NAA50: variants seen among roughly 807,000 people sequenced by gnomAD.
NAA50 encodes N-alpha-acetyltransferase 50.
In NAA50, 7 loss-of-function variants were observed where a neutral mutation model predicts 20.7. The observed-to-expected ratio is 0.34, with a 90% CI of 0.19 to 0.63. The LOEUF is 0.63. NAA50 is among the 30% of genes least tolerant of loss of function. The pLI is 0.75. For missense variants in NAA50, 111 were observed against 199.1 expected (o/e 0.56, Z 2.66); for synonymous variants, 54 against 70.6 (o/e 0.77, Z 1.18).
intron 1 of NAA50, among the ~76,000 whole-genome samples, chr3:113,735,527 ATTGT>A (rs764562033): frequency 2.0e-5 from 3 of 152,228 alleles, no homozygotes; most frequent in Non-Finnish European, 4.4e-5. Context: ...CGGATCATGA[ATTGT>A]TTGCTTACTT....
At position 113,746,160 on chromosome 3, in the gene NAA50, T is replaced by A; in HGVS notation, c.-211A>T. The A allele has an allele frequency of 1.2e-5, 7 of 561,798 alleles. No homozygotes were observed. The South Asian group carries it at 1.5e-4, about 12-fold the overall frequency. The allele number at this position is 561,798 out of a possible 1,614,324, so 34.8% of individuals were successfully genotyped here. A position where few individuals can be genotyped will look rare whatever the true frequency, so the allele number is the denominator to read the frequency against. ...GGAGTGTCTCCCGCCGCCGCGCTTG[T>A]GCCGCCGCTTCTCCACACGTGCACT... On this transcript the variant is annotated 5_prime_UTR_variant, in exon 1 of 5. Transcript: ENST00000240922.
rs137931216 is a variant in NAA50 at position 113,721,615 on chromosome 3, T to C, written c.*145A>G. Reference sequence around the variant, plus strand: ...AAAGTCCTTGAAAGTATTAAAACTCTCAGAGAAAAGGAAAGGAAGAAAGAA... The same window carrying C: ...AAAGTCCTTGAAAGTATTAAAACTCCCAGAGAAAAGGAAAGGAAGAAAGAA... On this transcript the variant is annotated 3_prime_UTR_variant, in exon 5 of 5. Coordinates refer to ENST00000240922, the MANE Select transcript of NAA50 (RefSeq NM_025146.4). The C allele has an allele frequency of 7.1e-5, 57 of 799,430 alleles. No homozygotes were observed. Among genetic ancestry groups the C allele is most frequent in the Non-Finnish European group, 1.0e-4 (52 of 500,072 alleles). The allele number at this position is 799,430 out of a possible 1,614,324, so 49.5% of individuals were successfully genotyped here. A position where few individuals can be genotyped will look rare whatever the true frequency, so the allele number is the denominator to read the frequency against.
chr3:113,743,196 G>A (rs550779474), intron 1 of NAA50, among the ~76,000 whole-genome samples: 9 of 152,304 alleles, frequency 5.9e-5, no homozygotes, highest in African/African-American at 2.2e-4. Flanking sequence ...GTAAAAATAT[G>A]AAGAAAAACC....
chr3:113,733,487 A>G (rs1351799143), intron 1 of NAA50, among the ~76,000 whole-genome samples: 5 of 152,194 alleles, frequency 3.3e-5, no homozygotes, highest in South Asian at 2.1e-4. Flanking sequence ...TACAAACTGG[A>G]TATCAGATCA....
At chr3:113,723,870 T>TA (rs1708166561) in intron 2 of NAA50, 89 bp downstream of exon 2, 11 of 1,352,950 alleles carry the variant, frequency 8.1e-6, no homozygotes, top group Non-Finnish European at 9.8e-6. Flanking sequence ...CAAACTAAAT[T>TA]AGTTAACTTC....
At chr3:113,739,109 C>T (rs1018593447) in intron 1 of NAA50, among the ~76,000 whole-genome samples, 2 of 152,128 alleles carry the variant, frequency 1.3e-5, no homozygotes, top group African/African-American at 4.8e-5. Context: ...CCGTTTATCA[C>T]CTAATCAGCA....
At chr3:113,741,589 T>C (rs1708418101) in intron 1 of NAA50, among the ~76,000 whole-genome samples, 1 of 152,240 alleles carries the variant, frequency 6.6e-6, no homozygotes. Flanking sequence ...CCAGTAACAC[T>C]TCCCACTCTA....
chr3:113,733,148 G>T (rs903619402), intron 1 of NAA50, among the ~76,000 whole-genome samples: 14 of 151,668 alleles, frequency 9.2e-5, no homozygotes, highest in Non-Finnish European at 1.9e-4. Flanking sequence ...TTAGTGAGTT[G>T]TAAGAGTTCT....
At chr3:113,740,442 G>A (rs1702726175) in intron 1 of NAA50, among the ~76,000 whole-genome samples, 1 of 152,202 alleles carries the variant, frequency 6.6e-6, no homozygotes, top group South Asian at 2.1e-4. Context: ...CCTCGATGCA[G>A]TGCAGCTTCA....
intron 1 of NAA50, among the ~76,000 whole-genome samples, chr3:113,726,920 G>A (rs889373249): frequency 1.3e-5 from 2 of 152,096 alleles, no homozygotes. Flanking sequence ...TCAGCCTAAC[G>A]AGTAGCTGAG....
At chr3:113,734,744 C>T (rs1708317757) in intron 1 of NAA50, among the ~76,000 whole-genome samples, 1 of 152,194 alleles carries the variant, frequency 6.6e-6, no homozygotes, top group African/African-American at 2.4e-5. Flanking sequence ...CATTTAAGTA[C>T]CAGATCACTC....
chr3:113,722,040 C>CA, intron 4 of NAA50, 103 bp from the exon 5 acceptor site: 1 of 1,050,660 alleles, frequency 9.5e-7, no homozygotes, highest in Non-Finnish European at 1.4e-6. Flanking sequence ...ATTCTCTTTA[C>CA]AACTACCAGT....
chr3:113,745,833 C>T (rs1708488760), intron 1 of NAA50, 109 bp downstream of exon 1: 3 of 1,275,454 alleles, frequency 2.4e-6, no homozygotes, highest in African/African-American at 1.5e-5. Flanking sequence ...AATCTCCCTC[C>T]GCCCGTCTTC....
At chr3:113,742,125 C>T (rs1339991401) in intron 1 of NAA50, among the ~76,000 whole-genome samples, 1 of 152,154 alleles carries the variant, frequency 6.6e-6, no homozygotes, top group African/African-American at 2.4e-5. Context: ...CTATCTCAAT[C>T]AACAAACCAC....
chr3:113,740,834 A>G (rs1228214014), intron 1 of NAA50: 1 of 255,556 alleles, frequency 3.9e-6, no homozygotes, highest in Non-Finnish European at 8.0e-6. Context: ...GTACCCTTTA[A>G]AGCTTCTGTT....
chr3:113,742,596 C>T (rs1708433344), intron 1 of NAA50, among the ~76,000 whole-genome samples: 1 of 152,122 alleles, frequency 6.6e-6, no homozygotes, highest in African/African-American at 2.4e-5. Flanking sequence ...AAAAGCATTC[C>T]TTTTGCCCCT....
intron 2 of NAA50, 78 bp from the exon 3 acceptor site, chr3:113,723,619 C>A: frequency 7.2e-7 from 1 of 1,394,910 alleles, no homozygotes; most frequent in Non-Finnish European, 9.6e-7. Flanking sequence ...TAAAGGACTA[C>A]ACTGTTCCTA....
chr3:113,727,218 A>C (rs926734187), intron 1 of NAA50, among the ~76,000 whole-genome samples: 11 of 152,214 alleles, frequency 7.2e-5, no homozygotes, highest in Non-Finnish European at 1.5e-4. Context: ...AGTTTGTATT[A>C]ATTTAGAGCA....
intron 1 of NAA50, among the ~76,000 whole-genome samples, chr3:113,726,483 A>T (rs924558741): frequency 7.7e-6 from 1 of 129,604 alleles, no homozygotes; most frequent in African/African-American, 3.0e-5. Context: ...TCTACCATTC[A>T]CATAAAAAAA....
Sources: allele counts gnomAD v4.1 joint callset (sites outside exome capture counted in the v4.1 genomes callset), GRCh38; gene constraint gnomAD v4.1.1; transcripts MANE v1.5; gene names NCBI Gene and HGNC (gene_info 2026-07-23, HGNC 2026-07-21).